Variants in LRPPRC observed in about 807,000 individuals in gnomAD.
LRPPRC encodes leucine-rich PPR motif-containing protein, mitochondrial.
Under a neutral mutation model 180.3 loss-of-function variants are expected in LRPPRC, and 120 were observed. The observed-to-expected ratio is 0.67, with a 90% CI of 0.57 to 0.77. LRPPRC has a LOEUF of 0.77. Among genes scored for constraint, LRPPRC ranks in the 30% least tolerant of loss-of-function variants. LRPPRC has a pLI of 0.00. For missense variants in LRPPRC, 2,012 were observed against 1,657.2 expected (o/e 1.21, Z -3.72); for synonymous variants, 723 against 600.0 (o/e 1.21, Z -3.00).
intron 13 of LRPPRC, among the ~76,000 whole-genome samples, chr2:43,958,806 G>C (rs538518904): frequency 1.3e-5 from 2 of 152,250 alleles, no homozygotes; most frequent in African/African-American, 4.8e-5. Context: ...CCTGAAGCAC[G>C]TACCAGCAAT....
chr2:43,970,324 C>T (rs1373079737), intron 11 of LRPPRC, among the ~76,000 whole-genome samples: 1 of 152,134 alleles, frequency 6.6e-6, no homozygotes, highest in Non-Finnish European at 1.5e-5. Context: ...CCTGGGATCC[C>T]ACCTTCTGCT....
chr2:43,888,444 T>C lies in LRPPRC; in HGVS notation c.*156A>G, dbSNP rs1333400412. On this transcript the variant is annotated 3_prime_UTR_variant, in exon 38 of 38. Transcript: ENST00000260665. Reference sequence around the variant, plus strand: ...ACTCCAAAAATGTCCAATAACCAAGTGCACAGAGTTATGGTCAATAAGACT... The same window carrying C: ...ACTCCAAAAATGTCCAATAACCAAGCGCACAGAGTTATGGTCAATAAGACT... 1.7e-6 allele frequency: 1 copy of C among 583,870 alleles called. No homozygotes were observed. The highest frequency in any genetic ancestry group is 3.1e-5 in the East Asian group (1 of 32,128). 36.2% of individuals were successfully genotyped at this position (583,870 alleles called of 1,614,324 possible). A position where few individuals can be genotyped will look rare whatever the true frequency, so the allele number is the denominator to read the frequency against.
chr2:43,912,593 C>A, intron 29 of LRPPRC, 35 bp from the exon 30 acceptor site: 1 of 1,588,430 alleles, frequency 6.3e-7, no homozygotes, highest in South Asian at 1.1e-5. Flanking sequence ...AATGAGATGA[C>A]ATTATTCTGA....
chr2:43,960,539 A>C lies in LRPPRC; in HGVS notation c.1582+2T>G. 6.6e-7 allele frequency: 1 copy of C among 1,513,608 alleles called. No homozygotes were observed. The highest frequency in any genetic ancestry group is 9.2e-7 in the Non-Finnish European group (1 of 1,090,168). 93.8% of individuals were successfully genotyped at this position (1,513,608 alleles called of 1,614,324 possible). A position where few individuals can be genotyped will look rare whatever the true frequency, so the allele number is the denominator to read the frequency against. On this transcript the variant is annotated splice_donor_variant, in intron 13 of 37. Coordinates refer to ENST00000260665, the MANE Select transcript of LRPPRC (RefSeq NM_133259.4). LOFTEE classifies it high-confidence loss of function. ...AGTTTACCGCTAATGTTGTATACTT[A>C]CAAAATGATAATACAAAGTCTAAGT...
At chr2:43,980,852 G>C (rs1020738210) in intron 2 of LRPPRC, among the ~76,000 whole-genome samples, 1 of 152,210 alleles carries the variant, frequency 6.6e-6, no homozygotes, top group East Asian at 1.9e-4. Flanking sequence ...AAGGGATGAG[G>C]AGTTGGGTAA....
rs192785573 is a variant in LRPPRC at position 43,953,689 on chromosome 2, G to T, written c.1650-3089C>A. Among the ~76,000 whole-genome samples the T allele has an allele frequency of 7.4e-4, 112 of 152,226 alleles. 2 individuals carry two copies. Among genetic ancestry groups the T allele is most frequent in the Admixed American group, 7.3e-3 (111 of 15,306 alleles). On this transcript the variant is annotated intron_variant, in intron 14 of 37. Transcript: ENST00000260665. The stretch of plus-strand genomic sequence containing the variant: ...TAGCTTGGTGTGGTTTAAAGATAAG[G>T]TAATCCATTTTCGAATATTTTCAAT...
At chr2:43,993,751 A>G in intron 1 of LRPPRC, among the ~76,000 whole-genome samples, 1 of 145,652 alleles carries the variant, frequency 6.9e-6, no homozygotes, top group African/African-American at 2.5e-5. Flanking sequence ...AAAAAAAAAA[A>G]CCAGAGAAAT....
chr2:43,990,081 T>C (rs1229037534), intron 1 of LRPPRC, among the ~76,000 whole-genome samples: 4 of 152,006 alleles, frequency 2.6e-5, no homozygotes, highest in African/African-American at 9.7e-5. Context: ...TAGCCAGGCA[T>C]GGTGGCATGC....
chr2:43,948,480 T>C lies in LRPPRC; in HGVS notation c.1774A>G (p.Met592Val). The C allele has an allele frequency of 1.2e-6, 2 of 1,611,634 alleles. No individual in the cohort carries two copies. Among genetic ancestry groups the C allele is most frequent in the South Asian group, 2.2e-5 (2 of 91,024 alleles). Reference sequence around the variant, plus strand: ...TTGGCCTGTACCTCTGAGTCACTCATGCTGTCAATCAAGTTATAAAGAAAA... The same window carrying C: ...TTGGCCTGTACCTCTGAGTCACTCACGCTGTCAATCAAGTTATAAAGAAAA... ...GYFLYNLIDS[M>V]SDSEVQAKEE... Residue 592 changes from methionine (M) to valine (V), a missense_variant, in exon 17 of 38, where the codon ATG becomes GTG. Transcript: ENST00000260665.
intron 13 of LRPPRC, among the ~76,000 whole-genome samples, chr2:43,958,739 C>T (rs1165049608): frequency 6.6e-6 from 1 of 152,180 alleles, no homozygotes; most frequent in East Asian, 1.9e-4. Flanking sequence ...ATTTACTGTT[C>T]TCTACTACCT....
chr2:43,970,122 A>T (rs1198230092), intron 11 of LRPPRC, among the ~76,000 whole-genome samples: 1 of 152,192 alleles, frequency 6.6e-6, no homozygotes, highest in Non-Finnish European at 1.5e-5. Flanking sequence ...CAGCTACAAG[A>T]TTCTTATTCT....
chr2:43,900,218 A>G (rs989753874), intron 32 of LRPPRC, among the ~76,000 whole-genome samples: 5 of 152,122 alleles, frequency 3.3e-5, no homozygotes, highest in African/African-American at 9.7e-5. Flanking sequence ...CTTTACATTG[A>G]AAAAAATCAG....
chr2:43,953,027 T>G (rs1391916817), intron 14 of LRPPRC, among the ~76,000 whole-genome samples: 2 of 152,204 alleles, frequency 1.3e-5, no homozygotes, highest in Non-Finnish European at 2.9e-5. Context: ...CATAGTTTCT[T>G]AAGCTACTAC....
At chr2:43,898,972 A>G (rs112355815) in intron 34 of LRPPRC, among the ~76,000 whole-genome samples, 254 of 151,816 alleles carry the variant, frequency 1.7e-3, no homozygotes, top group African/African-American at 5.8e-3. Context: ...CCCCCGCACC[A>G]CCCGCCGCTC....
intron 36 of LRPPRC, among the ~76,000 whole-genome samples, chr2:43,891,302 G>T (rs191149408): frequency 6.6e-6 from 1 of 152,122 alleles, no homozygotes; most frequent in Non-Finnish European, 1.5e-5. Flanking sequence ...AGATTTATGC[G>T]CTTGACACTA....
intron 13 of LRPPRC, among the ~76,000 whole-genome samples, 172 bp from the exon 14 acceptor site, chr2:43,957,623 T>C (rs1572545591): frequency 6.6e-6 from 1 of 152,258 alleles, no homozygotes; most frequent in African/African-American, 2.4e-5. Flanking sequence ...AATATATATC[T>C]GCAATATAAG....
intron 30 of LRPPRC, among the ~76,000 whole-genome samples, chr2:43,910,548 T>C (rs1349520816): frequency 6.6e-6 from 1 of 152,232 alleles, no homozygotes; most frequent in Non-Finnish European, 1.5e-5. Context: ...AATCTCTTTT[T>C]AAAAATTTCA....
rs139710545 is a variant in LRPPRC, at chr2:43,989,187, C to A, written c.149+6612G>T. 3.9e-3 allele frequency among the ~76,000 whole-genome samples: 598 copies of A among 152,314 alleles called. 3 individuals are homozygous for A. The highest frequency in any genetic ancestry group is 0.014 in the African/African-American group (572 of 41,564). ...AAAAATCTTTTATAAAACTAAGTCACAATGAACTTTCTCCCTCTAAGAACT... is the reference window on the plus strand; with the variant it reads ...AAAAATCTTTTATAAAACTAAGTCAAAATGAACTTTCTCCCTCTAAGAACT... On this transcript the variant is annotated intron_variant, in intron 1 of 37. Coordinates refer to ENST00000260665, the MANE Select transcript of LRPPRC (RefSeq NM_133259.4).
At chr2:43,949,570 A>G (rs1436410647) in intron 16 of LRPPRC, 32 bp downstream of exon 16, 4 of 1,574,136 alleles carry the variant, frequency 2.5e-6, no homozygotes, top group East Asian at 2.2e-5. Context: ...GGATTTGTGG[A>G]TAAGTTACAA....
Sources: gnomAD v4.1 joint callset for allele counts (sites outside exome capture counted in the v4.1 genomes callset) on GRCh38, gnomAD v4.1.1 for gene constraint, MANE v1.5 for transcripts, NCBI Gene and HGNC (gene_info 2026-07-23, HGNC 2026-07-21) for gene names.